Variants in LARGE1 observed in about 807,000 individuals in gnomAD.
The protein encoded by LARGE1 is LARGE xylosyl- and glucuronyltransferase 1.
A neutral mutation model predicts 87.6 loss-of-function variants in LARGE1; 43 were observed. That is an observed-to-expected ratio of 0.49 (90% confidence interval 0.38 to 0.63). The LOEUF is 0.63. LARGE1 is among the 30% of genes least tolerant of loss of function. LARGE1 has a pLI of 0.00. For synonymous variants in LARGE1, 434 were observed against 394.6 expected, an observed-to-expected ratio of 1.10 and a Z score of -1.18; for missense variants, 802 against 1,000.2, an observed-to-expected ratio of 0.80 and a Z score of 2.67.
chr22:33,612,623 T>C (rs1307805805), intron 4 of LARGE1, among the ~76,000 whole-genome samples: 1 of 152,162 alleles, frequency 6.6e-6, no homozygotes, highest in Non-Finnish European at 1.5e-5. Flanking sequence ...GGGTGGATCA[T>C]ACAACAACAT....
intron 1 of LARGE1, among the ~76,000 whole-genome samples, chr22:33,874,457 G>A (rs1049847862): frequency 1.2e-4 from 18 of 152,176 alleles, no homozygotes; most frequent in African/African-American, 3.6e-4. Context: ...AATGTAACAC[G>A]TGGCAGCTGA....
intron 11 of LARGE1, among the ~76,000 whole-genome samples, chr22:33,251,350 T>C (rs1927002911): frequency 6.6e-6 from 1 of 152,182 alleles, no homozygotes; most frequent in South Asian, 2.1e-4. Flanking sequence ...TACTTAACTA[T>C]TTTTGTTTAT....
At chr22:33,915,890 GTTCT>G (rs1462601890) in intron 1 of LARGE1, among the ~76,000 whole-genome samples, 6 of 152,172 alleles carry the variant, frequency 3.9e-5, no homozygotes, top group African/African-American at 1.4e-4. Context: ...TTTCCATGCT[GTTCT>G]TTCTGCCTGT....
At chr22:33,250,758 A>G (rs1251783639) in intron 11 of LARGE1, among the ~76,000 whole-genome samples, 1 of 152,168 alleles carries the variant, frequency 6.6e-6, no homozygotes, top group Non-Finnish European at 1.5e-5. Flanking sequence ...TACTTATATG[A>G]TCATGTAATT....
At chr22:33,289,419 C>T (rs895789626) in intron 12 of LARGE1, among the ~76,000 whole-genome samples, 1 of 152,208 alleles carries the variant, frequency 6.6e-6, no homozygotes, top group African/African-American at 2.4e-5. Context: ...CTCTCCCAAC[C>T]ACAGGTTCCC....
intron 11 of LARGE1, among the ~76,000 whole-genome samples, chr22:33,264,840 G>C (rs1475701675): frequency 6.8e-6 from 1 of 147,210 alleles, no homozygotes; most frequent in African/African-American, 2.5e-5. Context: ...CAAGAATCCT[G>C]CTAAGTCATT....
At chr22:33,390,590 G>C (rs568788547) in intron 7 of LARGE1, among the ~76,000 whole-genome samples, 2 of 152,208 alleles carry the variant, frequency 1.3e-5, no homozygotes, top group Non-Finnish European at 2.9e-5. Flanking sequence ...GCTCATGTGG[G>C]CTTCTGGGAA....
At chr22:33,352,763 C>T (rs911972182) in intron 9 of LARGE1, among the ~76,000 whole-genome samples, 2 of 151,818 alleles carry the variant, frequency 1.3e-5, no homozygotes, top group South Asian at 2.1e-4. Context: ...CTCCATTCCC[C>T]GACCCCCACC....
the LARGE1 span, among the ~76,000 whole-genome samples, chr22:33,113,901 C>T: frequency 1.3e-5 from 2 of 149,998 alleles, no homozygotes; most frequent in Non-Finnish European, 3.0e-5. Flanking sequence ...GACGGAGTCT[C>T]GCTCTATCGC....
intron 6 of LARGE1, among the ~76,000 whole-genome samples, chr22:33,513,884 A>T (rs1384643868): frequency 1.3e-5 from 2 of 150,500 alleles, no homozygotes; most frequent in African/African-American, 4.9e-5. Context: ...GGTCAACAAC[A>T]GACAGTATAG....
intron 1 of LARGE1, among the ~76,000 whole-genome samples, chr22:33,779,476 G>A (rs1282205604): frequency 6.6e-6 from 1 of 152,144 alleles, no homozygotes; most frequent in Non-Finnish European, 1.5e-5. Flanking sequence ...CCTAGCGACA[G>A]TTTGATCATT....
intron 1 of LARGE1, among the ~76,000 whole-genome samples, chr22:33,906,403 A>T (rs2065458704): frequency 6.6e-6 from 1 of 152,232 alleles, no homozygotes; most frequent in Non-Finnish European, 1.5e-5. Context: ...ATTATAGGAC[A>T]GAGATTAAAA....
rs561279253 is a variant in LARGE1 at position 33,776,338 on chromosome 22, T to C, written c.-82-14780A>G. 1.4e-4 allele frequency among the ~76,000 whole-genome samples: 21 copies of C among 152,268 alleles called. No homozygotes were observed. In the South Asian group the frequency reaches 4.4e-3, roughly 32 times the overall value. ...AGAGATCTCTCTGGGGTGACACAGG[T>C]ACAGAAGCAAATGGGAGGAAAGAAT... On this transcript the variant is annotated intron_variant, in intron 1 of 14. Coordinates refer to ENST00000397394, the MANE Select transcript of LARGE1 (RefSeq NM_133642.5).
chr22:33,682,044 A>G (rs2081790260), intron 2 of LARGE1, among the ~76,000 whole-genome samples: 3 of 152,232 alleles, frequency 2.0e-5, no homozygotes, highest in Non-Finnish European at 1.5e-5. Context: ...CTGGAAAGAA[A>G]TATGAGCCAT....
At chr22:33,624,765 T>C (rs1302477476) in intron 4 of LARGE1, among the ~76,000 whole-genome samples, 1 of 152,188 alleles carries the variant, frequency 6.6e-6, no homozygotes, top group Non-Finnish European at 1.5e-5. Context: ...CTGTTTGAAA[T>C]GTCATTCTGG....
chr22:33,525,282 C>A (rs1276873698), intron 6 of LARGE1, among the ~76,000 whole-genome samples: 2 of 152,172 alleles, frequency 1.3e-5, no homozygotes, highest in Non-Finnish European at 2.9e-5. Flanking sequence ...AATGAAACTG[C>A]TTCCGCTGCA....
chr22:33,280,335 A>G (rs1004530933), intron 13 of LARGE1, among the ~76,000 whole-genome samples: 2 of 151,488 alleles, frequency 1.3e-5, no homozygotes, highest in Non-Finnish European at 2.9e-5. Context: ...AAAAAAAAAA[A>G]AGAGAAAGAG....
intron 6 of LARGE1, among the ~76,000 whole-genome samples, chr22:33,539,105 G>T (rs761191100): frequency 2.0e-5 from 3 of 152,088 alleles, no homozygotes; most frequent in African/African-American, 4.8e-5. Context: ...GTGTATATAT[G>T]CCTGTATAAA....
In LARGE1 at chr22:33,463,768, G is replaced by A. The variant is rs560487772; in HGVS notation, c.788-31503C>T. Among the ~76,000 whole-genome samples the A allele has an allele frequency of 1.3e-3, 196 of 152,232 alleles. 5 individuals carry two copies. The South Asian group carries it at 0.039, about 30-fold the overall frequency. The stretch of plus-strand genomic sequence containing the variant: ...GCTCACCATAACCTCCGCCTCCCAG[G>A]TTCAAGTGATTCTCCTGCCTCAGCC... On this transcript the variant is annotated intron_variant, in intron 6 of 14. Coordinates refer to ENST00000397394, the MANE Select transcript of LARGE1 (RefSeq NM_133642.5).
Sources: allele counts gnomAD v4.1 joint callset (sites outside exome capture counted in the v4.1 genomes callset), GRCh38; gene constraint gnomAD v4.1.1; transcripts MANE v1.5; gene names NCBI Gene and HGNC (gene_info 2026-07-23, HGNC 2026-07-21).